ANO3: variants seen among roughly 807,000 people sequenced by gnomAD.
The protein encoded by ANO3 is anoctamin-3.
ANO3 carries 99 observed loss-of-function variants against 144.8 expected under a neutral mutation model. That is an observed-to-expected ratio of 0.68 (90% confidence interval 0.58 to 0.81). The LOEUF is 0.81. ANO3 is among the 30% of genes least tolerant of loss of function. The probability of loss-of-function intolerance (pLI) is 0.00; values close to 1 mark genes in which losing one functional copy is unlikely to be tolerated. For synonymous variants in ANO3, 414 were observed against 392.6 expected (o/e 1.05, Z -0.64); for missense variants, 905 against 1,202.2 (o/e 0.75, Z 3.66).
chr11:26,237,082 G>A (rs752083563), intron 1 of ANO3, among the ~76,000 whole-genome samples: 69 of 151,996 alleles, frequency 4.5e-4, no homozygotes, highest in Non-Finnish European at 7.9e-4. Context: ...TTGTGATTCC[G>A]GCAAAACTGT....
chr11:26,498,670 G>C (rs914714229), intron 4 of ANO3, among the ~76,000 whole-genome samples: 15 of 151,332 alleles, frequency 9.9e-5, no homozygotes, highest in Non-Finnish European at 2.1e-4. Flanking sequence ...GCCTTATTTG[G>C]TTTAGAATAA....
chr11:26,443,893 GTTC>G, intron 3 of ANO3, 57 bp downstream of exon 3: 2 of 1,214,606 alleles, frequency 1.6e-6, no homozygotes, highest in Non-Finnish European at 2.3e-6. Flanking sequence ...GGTAAGCTGT[GTTC>G]TTCTAAAAAA....
chr11:26,247,967 G>A (rs1852836972), intron 1 of ANO3, among the ~76,000 whole-genome samples: 2 of 151,582 alleles, frequency 1.3e-5, no homozygotes, highest in Admixed American at 1.3e-4. Flanking sequence ...TCTTGACCTC[G>A]TGATCCGCCC....
chr11:26,393,694 CATA>C (rs1267358686), intron 1 of ANO3, among the ~76,000 whole-genome samples: 3 of 152,112 alleles, frequency 2.0e-5, no homozygotes, highest in Non-Finnish European at 4.4e-5. Flanking sequence ...AATGTATAAA[CATA>C]AGACTTCTGA....
chr11:26,621,980 T>G (rs530076584), intron 17 of ANO3, among the ~76,000 whole-genome samples: 1 of 152,256 alleles, frequency 6.6e-6, no homozygotes, highest in South Asian at 2.1e-4. Context: ...ACTCACAGCT[T>G]GTATGTACTG....
intron 1 of ANO3, among the ~76,000 whole-genome samples, chr11:26,201,784 C>A (rs1851698643): frequency 6.9e-6 from 1 of 145,824 alleles, no homozygotes; most frequent in Admixed American, 6.9e-5. Context: ...TTTTAACATT[C>A]AAGCTATGTG....
chr11:26,569,312 G>A (rs1172057191), intron 14 of ANO3, among the ~76,000 whole-genome samples: 1 of 152,114 alleles, frequency 6.6e-6, no homozygotes, highest in Non-Finnish European at 1.5e-5. Context: ...GAAGAGAGGG[G>A]TAGTTCAGTA....
intron 1 of ANO3, among the ~76,000 whole-genome samples, chr11:26,366,411 C>T (rs184378322): frequency 1.3e-5 from 2 of 152,158 alleles, no homozygotes; most frequent in African/African-American, 4.8e-5. Flanking sequence ...TGGGTTGGTT[C>T]CAAGTCTTTG....
chr11:26,402,154 T>C (rs1446130488), intron 1 of ANO3, among the ~76,000 whole-genome samples: 2 of 152,054 alleles, frequency 1.3e-5, no homozygotes, highest in Non-Finnish European at 2.9e-5. Context: ...TCTTTGGGTA[T>C]ATACCCAGTA....
At chr11:26,484,586 G>C (rs1034378071) in intron 4 of ANO3, among the ~76,000 whole-genome samples, 1 of 152,214 alleles carries the variant, frequency 6.6e-6, no homozygotes, top group African/African-American at 2.4e-5. Context: ...TAGGGCTGTG[G>C]AGGGGAAATG....
chr11:26,372,692 A>T (rs1021503450), intron 1 of ANO3, among the ~76,000 whole-genome samples: 1 of 152,196 alleles, frequency 6.6e-6, no homozygotes, highest in Non-Finnish European at 1.5e-5. Flanking sequence ...GATACTCAGG[A>T]AGTTAGTATT....
chr11:26,363,474 C>G (rs1471948357), intron 1 of ANO3, among the ~76,000 whole-genome samples: 1 of 152,114 alleles, frequency 6.6e-6, no homozygotes, highest in Non-Finnish European at 1.5e-5. Context: ...CTTCACATGT[C>G]CTTTTCCTCT....
chr11:26,586,498 A>T (rs1851283103), intron 14 of ANO3, among the ~76,000 whole-genome samples: 2 of 58,450 alleles, frequency 3.4e-5, no homozygotes, highest in Non-Finnish European at 6.7e-5. Flanking sequence ...TTCCCTGGTG[A>T]GAATCTTTTT....
chr11:26,429,883 T>C (rs936068768), intron 1 of ANO3, among the ~76,000 whole-genome samples: 1 of 151,954 alleles, frequency 6.6e-6, no homozygotes, highest in Non-Finnish European at 1.5e-5. Flanking sequence ...AGATAGATAC[T>C]AACACACTAA....
At chr11:26,646,890 A>G (rs1380647925) in intron 23 of ANO3, among the ~76,000 whole-genome samples, 2 of 152,074 alleles carry the variant, frequency 1.3e-5, no homozygotes, top group Non-Finnish European at 2.9e-5. Context: ...TTCTTGTCTT[A>G]TGATCTCCTC....
chr11:26,389,400 C>A (rs1342769138), intron 1 of ANO3, among the ~76,000 whole-genome samples: 10 of 151,918 alleles, frequency 6.6e-5, no homozygotes, highest in Middle Eastern at 3.4e-3. Context: ...AAGCTCTAGG[C>A]TGAGTGACTA....
At chr11:26,570,278 T>C (rs1213826782) in intron 14 of ANO3, among the ~76,000 whole-genome samples, 1 of 152,052 alleles carries the variant, frequency 6.6e-6, no homozygotes, top group Non-Finnish European at 1.5e-5. Context: ...ATTATTACTT[T>C]TGTATGGAGG....
intron 11 of ANO3, among the ~76,000 whole-genome samples, chr11:26,546,716 GA>G (rs888030442): frequency 1.3e-5 from 2 of 152,002 alleles, no homozygotes; most frequent in African/African-American, 4.8e-5. Flanking sequence ...TCATCAACTA[GA>G]GGGGAATTAA....
chr11:26,233,625 A>G (rs1852450763), intron 1 of ANO3, among the ~76,000 whole-genome samples: 1 of 152,222 alleles, frequency 6.6e-6, no homozygotes, highest in Admixed American at 6.5e-5. Context: ...TCTTTCTACT[A>G]TAAAGACACA....
Sources: gnomAD v4.1 joint callset for allele counts (sites outside exome capture counted in the v4.1 genomes callset) on GRCh38, gnomAD v4.1.1 for gene constraint, MANE v1.5 for transcripts, NCBI Gene and HGNC (gene_info 2026-07-23, HGNC 2026-07-21) for gene names.